The following ASAP1 variants were observed in gnomAD, a reference collection of about 807,000 sequenced individuals.
The protein encoded by ASAP1 is arf-GAP with SH3 domain, ANK repeat and PH domain-containing protein 1.
Under a neutral mutation model 145.2 loss-of-function variants are expected in ASAP1, and 43 were observed. That is an observed-to-expected ratio of 0.30 (90% CI 0.23 to 0.38). The LOEUF (loss-of-function observed/expected upper bound fraction) is 0.38. ASAP1 is among the 10% of genes least tolerant of loss of function. ASAP1 has a pLI of 1.00. For synonymous variants in ASAP1, 546 were observed against 515.5 expected (o/e 1.06, Z -0.80); for missense variants, 1,018 against 1,355.3 (o/e 0.75, Z 3.91).
intron 24 of ASAP1, among the ~76,000 whole-genome samples, chr8:130,105,497 T>C (rs2097535447): frequency 6.6e-6 from 1 of 152,192 alleles, no homozygotes; most frequent in South Asian, 2.1e-4. Flanking sequence ...TTAAAATCTA[T>C]TCTCTTAGCA....
intron 18 of ASAP1, 188 bp from the exon 19 acceptor site, chr8:130,118,863 C>CAAG (rs2097560795): frequency 2.8e-6 from 1 of 361,462 alleles, no homozygotes. Context: ...TATATGTTTA[C>CAAG]TAATATATAC....
intron 24 of ASAP1, among the ~76,000 whole-genome samples, chr8:130,094,388 T>A (rs540755461): frequency 4.6e-5 from 7 of 152,226 alleles, no homozygotes; most frequent in East Asian, 1.9e-4. Flanking sequence ...TTTTTAAAAA[T>A]TTTTAAATTT....
chr8:130,380,775 A>C (rs1175355913), intron 2 of ASAP1, among the ~76,000 whole-genome samples: 1 of 152,102 alleles, frequency 6.6e-6, no homozygotes, highest in African/African-American at 2.4e-5. Context: ...ATGCAGGCTG[A>C]CGTGCAGTCA....
chr8:130,210,407 AT>A (rs1816506127), intron 5 of ASAP1, among the ~76,000 whole-genome samples: 1 of 152,236 alleles, frequency 6.6e-6, no homozygotes, highest in Non-Finnish European at 1.5e-5. Flanking sequence ...GTAAATATGA[AT>A]AGAAGTAGTC....
intron 27 of ASAP1, among the ~76,000 whole-genome samples, chr8:130,064,557 A>G (rs764358054): frequency 2.6e-5 from 4 of 151,954 alleles, no homozygotes; most frequent in Non-Finnish European, 5.9e-5. Flanking sequence ...TTTTCCCTCT[A>G]CTCTCACACC....
chr8:130,100,871 C>T (rs939723117), intron 24 of ASAP1, among the ~76,000 whole-genome samples: 2 of 152,074 alleles, frequency 1.3e-5, no homozygotes, highest in Non-Finnish European at 2.9e-5. Flanking sequence ...TTTTTTGTTG[C>T]CTGTGCTTTT....
chr8:130,347,824 C>A (rs1296618830), intron 3 of ASAP1, among the ~76,000 whole-genome samples: 2 of 152,168 alleles, frequency 1.3e-5, no homozygotes, highest in Non-Finnish European at 2.9e-5. Context: ...CTACCATTTG[C>A]CCAAAAGAGA....
At chr8:130,061,855 GA>G (rs1176351980) in intron 27 of ASAP1, among the ~76,000 whole-genome samples, 1 of 152,102 alleles carries the variant, frequency 6.6e-6, no homozygotes, top group Non-Finnish European at 1.5e-5. Context: ...TCAATTTGTT[GA>G]CCCATTTCCA....
chr8:130,178,748 G>A (rs1814140040), intron 9 of ASAP1, among the ~76,000 whole-genome samples: 1 of 152,190 alleles, frequency 6.6e-6, no homozygotes, highest in South Asian at 2.1e-4. Context: ...AATTAACTGG[G>A]TGTGGTGGCG....
chr8:130,255,770 TCTTG>T (rs780215811), intron 3 of ASAP1, among the ~76,000 whole-genome samples: 3 of 152,308 alleles, frequency 2.0e-5, no homozygotes, highest in South Asian at 2.1e-4. Context: ...TGACAAAAAG[TCTTG>T]CTTAAGTTTT....
chr8:130,142,962 C>T (rs2097616086), intron 13 of ASAP1, among the ~76,000 whole-genome samples: 1 of 151,984 alleles, frequency 6.6e-6, no homozygotes, highest in Non-Finnish European at 1.5e-5. Context: ...ATGAGGAGGG[C>T]CTGAATTAGA....
At chr8:130,333,952 G>A (rs770647369) in intron 3 of ASAP1, among the ~76,000 whole-genome samples, 3 of 152,194 alleles carry the variant, frequency 2.0e-5, no homozygotes, top group Non-Finnish European at 2.9e-5. Flanking sequence ...AGCTGGAGCT[G>A]CAAGGACTGG....
intron 1 of ASAP1, among the ~76,000 whole-genome samples, chr8:130,440,336 G>A (rs745812728): frequency 2.0e-5 from 3 of 151,988 alleles, no homozygotes; most frequent in African/African-American, 7.3e-5. Context: ...GCGAAACCCC[G>A]TCTCTACTAA....
rs536320597 is a variant in ASAP1 at position 130,076,062 on chromosome 8, T to G, written c.2701+286A>C. Reference sequence around the variant, plus strand: ...GGTGTTGGTTCCCAAGTCTCTCTGATTATGTTTATAAGGGGAGAAAGAATG... The same window carrying G: ...GGTGTTGGTTCCCAAGTCTCTCTGAGTATGTTTATAAGGGGAGAAAGAATG... On this transcript the variant is annotated intron_variant, in intron 27 of 29. Transcript: ENST00000518721. Among the ~76,000 whole-genome samples, 30 of 152,350 alleles carry G rather than the reference T, an allele frequency of 2.0e-4. 1 individual carries two copies. The highest frequency in any genetic ancestry group is 7.2e-4 in the African/African-American group (30 of 41,584).
intron 1 of ASAP1, among the ~76,000 whole-genome samples, chr8:130,403,546 T>C (rs1415750577): frequency 7.3e-6 from 1 of 136,116 alleles, no homozygotes; most frequent in East Asian, 1.9e-4. Flanking sequence ...CATTTTCTTT[T>C]TCTTTTTCTT....
In ASAP1 at chr8:130,179,290, A is replaced by G; in HGVS notation, c.720T>C (p.Leu240=). 2 of 1,609,024 alleles carry G rather than the reference A, an allele frequency of 1.2e-6. No homozygotes were observed. The highest frequency in any genetic ancestry group is 1.7e-6 in the Non-Finnish European group (2 of 1,175,384). Residue 240 remains leucine, a synonymous_variant, in exon 9 of 30, where the codon CTT becomes CTC. Coordinates refer to ENST00000518721, the MANE Select transcript of ASAP1 (RefSeq NM_018482.4). ...TGCACTGTGCATGGTAATACTTTATAAGATTCTGCAGCAGATCCACACCCT... is the reference window on the plus strand; with the variant it reads ...TGCACTGTGCATGGTAATACTTTATGAGATTCTGCAGCAGATCCACACCCT... The part of the protein sequence containing the change: ...TKKGVDLLQN[L]IKYYHAQCNF...
intron 4 of ASAP1, among the ~76,000 whole-genome samples, chr8:130,235,451 T>G (rs1818158791): frequency 6.6e-6 from 1 of 152,124 alleles, no homozygotes; most frequent in Non-Finnish European, 1.5e-5. Flanking sequence ...AAGCCCACTT[T>G]GTGGCATCTC....
intron 3 of ASAP1, among the ~76,000 whole-genome samples, chr8:130,283,702 G>T (rs1821413599): frequency 6.6e-6 from 1 of 151,520 alleles, no homozygotes; most frequent in South Asian, 2.1e-4. Context: ...AGACTAACTT[G>T]ATAAGAACAG....
chr8:130,080,478 C>CT (rs398047411), intron 25 of ASAP1, among the ~76,000 whole-genome samples: 22,854 of 71,034 alleles, frequency 0.32, 2,166 homozygotes, highest in South Asian at 0.47. Flanking sequence ...CATTCTCTCT[C>CT]TTTTTTTTTT....
Sources: allele counts gnomAD v4.1 joint callset (sites outside exome capture counted in the v4.1 genomes callset), GRCh38; gene constraint gnomAD v4.1.1; transcripts MANE v1.5; gene names NCBI Gene and HGNC (gene_info 2026-07-23, HGNC 2026-07-21).